The following PAGE2B variants were observed in gnomAD, a reference collection of about 807,000 sequenced individuals.
PAGE2B encodes PAGE family member 2B, also known as putative G antigen family E member 3.
Under a neutral mutation model 7.6 loss-of-function variants are expected in PAGE2B, and 5 were observed. The ratio of observed to expected loss-of-function variants is 0.66; its 90% CI spans 0.34 to 1.38. The LOEUF (loss-of-function observed/expected upper bound fraction) is 1.38, where lower values mean the gene tolerates loss of function less well. Ranked by LOEUF, PAGE2B falls within the 40% of genes most tolerant of loss-of-function variation. The pLI, the probability that PAGE2B is intolerant of heterozygous loss-of-function variation, is 0.04. For missense variants in PAGE2B, 70 were observed against 78.4 expected (o/e 0.89, Z 0.41); for synonymous variants, 29 against 26.7 (o/e 1.09, Z -0.27).
chrX:55,034,065 C>A, the PAGE2B span, among the ~76,000 whole-genome samples: 1 of 111,786 alleles, frequency 8.9e-6, no homozygotes, highest in African/African-American at 3.3e-5. Flanking sequence ...TAGTCTCAAC[C>A]ACTTGTGATG....
chrX:55,029,222 G>C, the PAGE2B span, among the ~76,000 whole-genome samples: 1 of 111,701 alleles, frequency 9.0e-6, no homozygotes, highest in Non-Finnish European at 1.9e-5. Flanking sequence ...TCCCAATCCT[G>C]TTACAATTTA....
chrX:55,030,742 G>A, the PAGE2B span, among the ~76,000 whole-genome samples: 1,068 of 111,227 alleles, frequency 9.6e-3, 13 homozygotes, highest in African/African-American at 0.032. Flanking sequence ...GTAACGAAGG[G>A]AAAAAGAGAG....
chrX:55,047,380 G>A, the PAGE2B span, among the ~76,000 whole-genome samples: 469 of 110,896 alleles, frequency 4.2e-3, 4 homozygotes, highest in African/African-American at 0.015. Flanking sequence ...ATAAACATAC[G>A]TGTGCATGTG....
chrX:55,057,540 A>G, the PAGE2B span, among the ~76,000 whole-genome samples: 1 of 111,106 alleles, frequency 9.0e-6, no homozygotes, highest in Non-Finnish European at 1.9e-5. Context: ...GTCTCCCAAC[A>G]TGCCTTATGT....
At chrX:55,071,696 T>G (rs999834589), upstream of PAGE2B, among the ~76,000 whole-genome samples, 2 of 112,135 alleles carry the variant, frequency 1.8e-5, no homozygotes, top group Admixed American at 1.9e-4. Context: ...TGATCAAACA[T>G]AGATTTGGTC....
the PAGE2B span, among the ~76,000 whole-genome samples, chrX:55,034,497 T>C: frequency 2.7e-5 from 3 of 111,110 alleles, no homozygotes; most frequent in East Asian, 8.5e-4. Context: ...AATTCTCTTA[T>C]CATTTTTGGT....
the PAGE2B span, among the ~76,000 whole-genome samples, chrX:55,042,787 A>T: frequency 2.7e-5 from 3 of 109,605 alleles, no homozygotes; most frequent in Non-Finnish European, 5.7e-5. Flanking sequence ...GCAATCTACA[A>T]ATTTAATGCA....
chrX:55,068,463 A>C, the PAGE2B span, among the ~76,000 whole-genome samples: 1 of 111,844 alleles, frequency 8.9e-6, no homozygotes, highest in East Asian at 2.8e-4. Flanking sequence ...GTTTGAAGTC[A>C]GGTAGCATGA....
chrX:55,040,078 G>A, the PAGE2B span, among the ~76,000 whole-genome samples: 1 of 107,057 alleles, frequency 9.3e-6, no homozygotes. Context: ...ATAAACCAGA[G>A]GCGGATTTTA....
the PAGE2B span, among the ~76,000 whole-genome samples, chrX:55,032,121 G>A: frequency 9.0e-6 from 1 of 111,102 alleles, no homozygotes; most frequent in Non-Finnish European, 1.9e-5. Context: ...TGGCATTTGT[G>A]AGAGCATTTT....
At chrX:55,057,992 G>A in the PAGE2B span, among the ~76,000 whole-genome samples, 14 of 111,585 alleles carry the variant, frequency 1.3e-4, no homozygotes, top group Non-Finnish European at 2.6e-4. Context: ...ATAGAGAAAT[G>A]AAGCAGATAG....
intron 1 of PAGE2B, among the ~76,000 whole-genome samples, 182 bp from the exon 2 acceptor site, chrX:55,075,852 T>C (rs1936504918): frequency 8.9e-6 from 1 of 111,819 alleles, no homozygotes; most frequent in Non-Finnish European, 1.9e-5. Flanking sequence ...TCTTCGACTA[T>C]GATACAAACA....
chrX:55,067,009 C>T, the PAGE2B span, among the ~76,000 whole-genome samples: 2 of 109,555 alleles, frequency 1.8e-5, no homozygotes, highest in African/African-American at 6.8e-5. Flanking sequence ...TTCAAATAAC[C>T]TATTTTCAAG....
chrX:55,053,268 G>A, the PAGE2B span, among the ~76,000 whole-genome samples: 23 of 111,556 alleles, frequency 2.1e-4, no homozygotes, highest in African/African-American at 7.2e-4. Context: ...ACTAACACAG[G>A]AACAAAAAAC....
chrX:55,065,403 A>G, the PAGE2B span, among the ~76,000 whole-genome samples: 1 of 111,722 alleles, frequency 9.0e-6, no homozygotes, highest in East Asian at 2.8e-4. Flanking sequence ...GGCATAGAAT[A>G]TCTTTTCCCA....
the PAGE2B span, among the ~76,000 whole-genome samples, chrX:55,035,842 C>A: frequency 8.9e-6 from 1 of 111,868 alleles, no homozygotes; most frequent in Non-Finnish European, 1.9e-5. Flanking sequence ...TGAAGAAAGT[C>A]ATTGGTAGCT....
Position 55,076,097 on chromosome X carries a change from A to T in PAGE2B, c.56A>T (p.Glu19Val). 8.3e-7 allele frequency: 1 copy of T among 1,209,178 alleles called. No homozygotes were observed. Among genetic ancestry groups the T allele is most frequent in the Non-Finnish European group, 1.1e-6 (1 of 893,555 alleles). The change falls in exon 2 of 5, where the codon GAG (glutamate) becomes GTG (valine). Residue 19 changes from glutamate to valine, a missense_variant. By Grantham distance (121) the Glu-to-Val change is moderately radical. Coordinates refer to ENST00000374971, the MANE Select transcript of PAGE2B (RefSeq NM_001015038.3). ...TCCTCAGAAAGAGGAAATGACCAAG[A>T]GTCTTCCCAGCCAGTTGGATCTGTG... ...SQSSERGNDQ[E>V]SSQPVGSVIV...
At chrX:55,028,717 G>C in the PAGE2B span, among the ~76,000 whole-genome samples, 1 of 111,521 alleles carries the variant, frequency 9.0e-6, no homozygotes, top group African/African-American at 3.3e-5. Flanking sequence ...ACTCTGCCTG[G>C]CCATCATTAT....
At chrX:55,031,882 T>C in the PAGE2B span, among the ~76,000 whole-genome samples, 1 of 111,681 alleles carries the variant, frequency 9.0e-6, no homozygotes. Flanking sequence ...TTAGAGCAGA[T>C]TGTCATCATT....
Sources: gnomAD v4.1 joint callset for allele counts (sites outside exome capture counted in the v4.1 genomes callset) on GRCh38, gnomAD v4.1.1 for gene constraint, MANE v1.5 for transcripts, NCBI Gene and HGNC (gene_info 2026-07-23, HGNC 2026-07-21) for gene names.